The following NTN1 variants were observed in gnomAD, a reference collection of about 807,000 sequenced individuals.
NTN1 encodes the protein netrin-1.
NTN1 carries 11 observed loss-of-function variants against 54.2 expected under a neutral mutation model. The observed-to-expected ratio is 0.20, with a 90% CI of 0.13 to 0.34. The LOEUF (loss-of-function observed/expected upper bound fraction) is 0.34, where lower values mean the gene tolerates loss of function less well. NTN1 is among the 10% of genes least tolerant of loss of function. The pLI is 1.00. For synonymous variants in NTN1, 371 were observed against 382.0 expected, an observed-to-expected ratio of 0.97 and a Z score of 0.33; for missense variants, 740 against 893.1, an observed-to-expected ratio of 0.83 and a Z score of 2.18.
chr17:9,047,991 C>T (rs928421047), intron 2 of NTN1, among the ~76,000 whole-genome samples: 7 of 152,072 alleles, frequency 4.6e-5, no homozygotes, highest in African/African-American at 1.4e-4. Flanking sequence ...CCACTGTGCT[C>T]GGCTGAATCA....
At chr17:9,163,788 G>GC (rs142593160) in intron 3 of NTN1, among the ~76,000 whole-genome samples, 29,728 of 151,848 alleles carry the variant, frequency 0.2, 3,507 homozygotes, top group Non-Finnish European at 0.26. Context: ...GAGAAGCGGG[G>GC]CCCCCCCCAC....
At chr17:9,117,816 C>G (rs1446565073) in intron 2 of NTN1, among the ~76,000 whole-genome samples, 4 of 151,056 alleles carry the variant, frequency 2.6e-5, no homozygotes, top group African/African-American at 4.9e-5. Context: ...GCGTGTCATC[C>G]CCTGCCTCCA....
chr17:9,088,848 A>G (rs1198808479), intron 2 of NTN1, among the ~76,000 whole-genome samples: 2 of 152,090 alleles, frequency 1.3e-5, no homozygotes, highest in African/African-American at 4.8e-5. Flanking sequence ...ATACGGAGAA[A>G]CAACCTCTCT....
rs192278694 is a variant in NTN1 at position 9,063,697 on chromosome 17, G to A, written c.1018+40306G>A. The stretch of plus-strand genomic sequence containing the variant: ...CGAGTAGCTGGGACTGCAGGTGCCC[G>A]CCACCACGCCTGGCTAATTTTTTTG... On this transcript the variant is annotated intron_variant, in intron 2 of 6. Transcript: ENST00000173229. Among the ~76,000 whole-genome samples the A allele has an allele frequency of 7.1e-3, 1,081 of 152,118 alleles. 22 individuals carry two copies. The highest frequency in any genetic ancestry group is 0.025 in the African/African-American group (1,020 of 41,514).
chr17:9,172,397 G>A lies in NTN1; in HGVS notation c.1208-7410G>A, dbSNP rs527283317. On this transcript the variant is annotated intron_variant, in intron 3 of 6. Coordinates refer to ENST00000173229, the MANE Select transcript of NTN1 (RefSeq NM_004822.3). The stretch of plus-strand genomic sequence containing the variant: ...CGGGAGGCTGAGGTAGGAGAATGGC[G>A]TGACCCGGGAGGCGGAGCTTGCAGT... Among the ~76,000 whole-genome samples the A allele has an allele frequency of 1.4e-4, 21 of 152,102 alleles. No homozygotes were observed. In the East Asian group the frequency reaches 3.9e-3, roughly 29 times the overall value.
chr17:9,144,678 T>G (rs912407516), intron 2 of NTN1, among the ~76,000 whole-genome samples: 1 of 152,188 alleles, frequency 6.6e-6, no homozygotes, highest in Non-Finnish European at 1.5e-5. Context: ...GCAGGCCGCA[T>G]AGGTGGATGG....
At chr17:9,142,248 C>A (rs2092300152) in intron 2 of NTN1, among the ~76,000 whole-genome samples, 1 of 150,736 alleles carries the variant, frequency 6.6e-6, no homozygotes, top group Admixed American at 6.6e-5. Context: ...GAGATCGTGC[C>A]ATTGCACTCC....
intron 5 of NTN1, among the ~76,000 whole-genome samples, chr17:9,193,935 A>AAACAAAAAC (rs771221636): frequency 3.0e-4 from 37 of 123,634 alleles, no homozygotes; most frequent in Non-Finnish European, 5.5e-4. Context: ...AAAAAAAAAA[A>AAACAAAAAC]AAAAAAAAAC....
At chr17:9,235,601 G>A (rs921020971) in intron 6 of NTN1, among the ~76,000 whole-genome samples, 6 of 152,172 alleles carry the variant, frequency 3.9e-5, no homozygotes, top group African/African-American at 7.2e-5. Context: ...TGGAGGCTGC[G>A]AAGTCCAAGA....
At chr17:9,226,889 G>A (rs1270334804) in intron 6 of NTN1, among the ~76,000 whole-genome samples, 1 of 151,950 alleles carries the variant, frequency 6.6e-6, no homozygotes, top group Non-Finnish European at 1.5e-5. Flanking sequence ...CGGTCACACA[G>A]CACACACCTG....
At chr17:9,050,263 AT>A (rs1010232816) in intron 2 of NTN1, among the ~76,000 whole-genome samples, 11 of 151,598 alleles carry the variant, frequency 7.3e-5, no homozygotes, top group Admixed American at 3.3e-4. Flanking sequence ...ATAAAAAAAA[AT>A]AAAAATAAAA....
chr17:9,117,629 A>C (rs2092218115), intron 2 of NTN1, among the ~76,000 whole-genome samples: 1 of 152,046 alleles, frequency 6.6e-6, no homozygotes, highest in African/African-American at 2.4e-5. Flanking sequence ...CTGTAGTCCC[A>C]GCTACTTGGG....
At chr17:9,157,839 G>A (rs1229274891) in intron 2 of NTN1, among the ~76,000 whole-genome samples, 3 of 152,216 alleles carry the variant, frequency 2.0e-5, no homozygotes, top group Admixed American at 6.5e-5. Flanking sequence ...TTCTCACAAA[G>A]CTGCCCTTTC....
the NTN1 span, among the ~76,000 whole-genome samples, chr17:9,011,222 G>T: frequency 3.9e-5 from 6 of 152,162 alleles, no homozygotes; most frequent in African/African-American, 1.4e-4. Flanking sequence ...CTCATGTCCT[G>T]CTGTGTGGCC....
chr17:9,072,805 C>G (rs2092036565), intron 2 of NTN1, among the ~76,000 whole-genome samples: 1 of 152,254 alleles, frequency 6.6e-6, no homozygotes, highest in Admixed American at 6.5e-5. Context: ...TTTCCAGAAA[C>G]CTTGGCACGG....
At chr17:9,136,172 A>G (rs2092280625) in intron 2 of NTN1, among the ~76,000 whole-genome samples, 1 of 152,256 alleles carries the variant, frequency 6.6e-6, no homozygotes, top group African/African-American at 2.4e-5. Flanking sequence ...GCAGCAGAGC[A>G]AATGCTGCCC....
At chr17:9,096,033 G>A (rs1338142869) in intron 2 of NTN1, among the ~76,000 whole-genome samples, 2 of 152,096 alleles carry the variant, frequency 1.3e-5, no homozygotes, top group Non-Finnish European at 2.9e-5. Context: ...CTGACCTCAG[G>A]TGATCTGCCC....
At chr17:9,085,445 G>A (rs1386116096) in intron 2 of NTN1, among the ~76,000 whole-genome samples, 1 of 152,198 alleles carries the variant, frequency 6.6e-6, no homozygotes, top group African/African-American at 2.4e-5. Flanking sequence ...TCATCATGTG[G>A]CCACACCTGG....
At chr17:9,202,205 A>G (rs1370594533) in intron 5 of NTN1, among the ~76,000 whole-genome samples, 1 of 151,888 alleles carries the variant, frequency 6.6e-6, no homozygotes, top group Non-Finnish European at 1.5e-5. Context: ...CGCACCATTG[A>G]ACTCCAGCCT....
Sources: allele counts gnomAD v4.1 joint callset (sites outside exome capture counted in the v4.1 genomes callset), GRCh38; gene constraint gnomAD v4.1.1; transcripts MANE v1.5; gene names NCBI Gene and HGNC (gene_info 2026-07-23, HGNC 2026-07-21).